COL6A5: variants seen among roughly 807,000 people sequenced by gnomAD.
COL6A5 encodes the protein collagen alpha-5(VI) chain.
In COL6A5, 48 loss-of-function variants were observed where a neutral mutation model predicts 65.6. The observed-to-expected ratio is 0.73, with a 90% CI of 0.58 to 0.93. COL6A5 has a LOEUF of 0.93. Among genes scored for constraint, COL6A5 ranks in the 40% least tolerant of loss-of-function variants. The pLI, the probability that COL6A5 is intolerant of heterozygous loss-of-function variation, is 0.00. For missense variants in COL6A5, 914 were observed against 928.3 expected (o/e 0.98, Z 0.20); for synonymous variants, 291 against 322.8 (o/e 0.90, Z 1.05).
At chr3:130,461,695 G>T (rs1709704498) in intron 5 of COL6A5, among the ~76,000 whole-genome samples, 1 of 151,864 alleles carries the variant, frequency 6.6e-6, no homozygotes. Context: ...GTAAAATCAT[G>T]TAATCATTTG....
chr3:130,388,984 G>A lies in COL6A5; in HGVS notation c.2266G>A (p.Val756Met), dbSNP rs377358492. Reference sequence around the variant, plus strand: ...TGCTAGAATTCTTCGGGGCAAAGATGTGACCATCTTCTCTGTAGGAGTATA... The same window carrying A: ...TGCTAGAATTCTTCGGGGCAAAGATATGACCATCTTCTCTGTAGGAGTATA... The change falls in exon 6 of 42, where the codon GTG (valine) becomes ATG (methionine). Residue 756 changes from valine (V) to methionine (M), a missense_variant and NMD_transcript_variant. Physicochemically the swap from Val to Met is conservative, Grantham distance 21 (BLOSUM62 1). Transcript: ENST00000312481. The A allele has an allele frequency of 4.9e-4, 759 of 1,548,826 alleles. 4 individuals carry two copies. The highest frequency in any genetic ancestry group is 2.5e-3 in the South Asian group (206 of 83,646).
chr3:130,472,590 A>G (rs749475054), intron 7 of COL6A5, among the ~76,000 whole-genome samples: 9 of 151,886 alleles, frequency 5.9e-5, no homozygotes, highest in Non-Finnish European at 1.2e-4. Flanking sequence ...CTAAAGCTGA[A>G]AATATGTATA....
chr3:130,371,997 CA>C (rs983043610), intron 1 of COL6A5, among the ~76,000 whole-genome samples: 4 of 151,846 alleles, frequency 2.6e-5, no homozygotes, highest in African/African-American at 7.3e-5. Context: ...CAATAAAAGA[CA>C]AAAAACCCAG....
At chr3:130,431,823 G>A in exon 1 of COL6A5, 1 of 1,551,580 alleles carries the variant, frequency 6.4e-7, no homozygotes, top group Non-Finnish European at 8.7e-7. Context: ...GAGTTGCTGT[G>A]TTTTTTAGCA....
chr3:130,360,396 G>A (rs548562798), intron 1 of COL6A5, among the ~76,000 whole-genome samples: 52 of 152,156 alleles, frequency 3.4e-4, no homozygotes, highest in African/African-American at 9.1e-4. Flanking sequence ...TTATGAGGGG[G>A]ATATTTAAGC....
chr3:130,416,843 A>G (rs1000909632), intron 24 of COL6A5, 24 bp downstream of exon 24: 69 of 1,271,506 alleles, frequency 5.4e-5, no homozygotes, highest in Non-Finnish European at 7.1e-5. Context: ...CTGTTTTTTA[A>G]TTCTTTTAAA....
At chr3:130,386,995 A>T (rs1411119914) in intron 5 of COL6A5, among the ~76,000 whole-genome samples, 1 of 152,048 alleles carries the variant, frequency 6.6e-6, no homozygotes, top group African/African-American at 2.4e-5. Flanking sequence ...CACAGTACAG[A>T]ATATCATTTT....
intron 1 of COL6A5, among the ~76,000 whole-genome samples, chr3:130,346,917 C>T (rs1577411981): frequency 6.6e-6 from 1 of 152,226 alleles, no homozygotes; most frequent in Non-Finnish European, 1.5e-5. Context: ...TTTAAGTTTA[C>T]AGTGCTACAA....
At chr3:130,472,282 A>G (rs1307036644) in intron 7 of COL6A5, among the ~76,000 whole-genome samples, 1 of 151,962 alleles carries the variant, frequency 6.6e-6, no homozygotes, top group African/African-American at 2.4e-5. Context: ...CAGAGTTTTA[A>G]TACTCGAGAT....
exon 7 of COL6A5, chr3:130,391,644 T>A (rs1005320500): frequency 1.3e-6 from 2 of 1,551,492 alleles, no homozygotes; most frequent in Middle Eastern, 1.7e-4. Flanking sequence ...CAAAAGGAAC[T>A]TGAGGGTATG....
At chr3:130,384,435 A>G (rs1008802372) in intron 4 of COL6A5, among the ~76,000 whole-genome samples, 1 of 152,098 alleles carries the variant, frequency 6.6e-6, no homozygotes, top group Admixed American at 6.6e-5. Flanking sequence ...AGAATAGAAG[A>G]TCGTCAATCC....
chr3:130,415,770 A>G, intron 23 of COL6A5, 63 bp downstream of exon 23: 3 of 1,333,268 alleles, frequency 2.3e-6, no homozygotes, highest in Non-Finnish European at 2.0e-6. Context: ...TTAGTGCAAA[A>G]AAATCTTCAC....
chr3:130,409,448 C>T (rs968973631), intron 18 of COL6A5, 60 bp downstream of exon 18: 1 of 1,402,750 alleles, frequency 7.1e-7, no homozygotes. Flanking sequence ...TTCCTATCTC[C>T]TTTCCCTTTG....
exon 27 of COL6A5, chr3:130,421,353 G>C: frequency 6.4e-7 from 1 of 1,550,634 alleles, no homozygotes; most frequent in African/African-American, 1.4e-5. Context: ...GGAGATGCGG[G>C]GCAGAAGGTA....
At chr3:130,448,611 C>T (rs1709358451) in intron 4 of COL6A5, among the ~76,000 whole-genome samples, 1 of 152,068 alleles carries the variant, frequency 6.6e-6, no homozygotes, top group African/African-American at 2.4e-5. Context: ...AACACAGCGG[C>T]TCAAAATTTG....
At position 130,484,025 on chromosome 3, in the gene COL6A5, T is replaced by A; in HGVS notation, c.2329-10T>A. On this transcript the variant is annotated splice_polypyrimidine_tract_variant and intron_variant, in intron 7 of 7. Transcript: ENST00000512836. ...ACATTAAAAGCAGTGAATATTGTTA[T>A]ATTTTGCAGATGGTGAAGATACAAG... 1 of 1,607,448 alleles carries A rather than the reference T, an allele frequency of 6.2e-7. No homozygotes were observed. Among genetic ancestry groups the A allele is most frequent in the East Asian group, 2.2e-5 (1 of 44,770 alleles).
chr3:130,354,591 G>A (rs539742704), intron 1 of COL6A5, among the ~76,000 whole-genome samples: 2 of 152,254 alleles, frequency 1.3e-5, no homozygotes, highest in East Asian at 1.9e-4. Flanking sequence ...TAATTCATAC[G>A]CACGTTAAAG....
chr3:130,434,623 G>A (rs1263418690), intron 1 of COL6A5, among the ~76,000 whole-genome samples: 7 of 152,138 alleles, frequency 4.6e-5, no homozygotes, highest in South Asian at 4.2e-4. Flanking sequence ...TTTAATAATC[G>A]CCATTCTGAC....
At chr3:130,376,667 C>T (rs190182061) in exon 3 of COL6A5, 121 of 1,613,394 alleles carry the variant, frequency 7.5e-5, no homozygotes, top group South Asian at 1.2e-4. Flanking sequence ...AAATTATCTC[C>T]GTGGGGGTGC....
Sources: allele counts gnomAD v4.1 joint callset (sites outside exome capture counted in the v4.1 genomes callset), GRCh38; gene constraint gnomAD v4.1.1; transcripts MANE v1.5; gene names NCBI Gene and HGNC (gene_info 2026-07-23, HGNC 2026-07-21).